Variants in SCN1A observed in about 807,000 individuals in gnomAD.
SCN1A encodes the protein sodium channel protein type 1 subunit alpha.
Under a neutral mutation model 193.7 loss-of-function variants are expected in SCN1A, and 13 were observed. That is an observed-to-expected ratio of 0.07 (90% confidence interval 0.04 to 0.11). The LOEUF is 0.11. Ranked by LOEUF, SCN1A falls within the 10% of genes least tolerant of loss-of-function variation. SCN1A has a pLI of 1.00. For missense variants in SCN1A, 1,432 were observed against 2,451.1 expected, an observed-to-expected ratio of 0.58 and a Z score of 8.78; for synonymous variants, 781 against 843.6, an observed-to-expected ratio of 0.93 and a Z score of 1.29.
upstream of SCN1A, among the ~76,000 whole-genome samples, chr2:166,129,719 T>G (rs367576416): frequency 5.3e-5 from 8 of 152,270 alleles, no homozygotes; most frequent in South Asian, 1.7e-3. Context: ...GAATAGTACT[T>G]AGAGATTAGA....
At chr2:166,087,108 C>T (rs1214891459) in intron 2 of SCN1A, among the ~76,000 whole-genome samples, 1 of 151,192 alleles carries the variant, frequency 6.6e-6, no homozygotes, top group Non-Finnish European at 1.5e-5. Context: ...TGGTTTTTGC[C>T]TCATTCTCAC....
intron 4 of SCN1A, among the ~76,000 whole-genome samples, chr2:166,065,496 T>C (rs1683745300): frequency 6.6e-6 from 1 of 152,200 alleles, no homozygotes; most frequent in Admixed American, 6.5e-5. Context: ...TGTCATAGCC[T>C]GTGAGTTCAA....
At chr2:166,016,756 T>C (rs1049646386) in intron 19 of SCN1A, 3 of 151,928 alleles carry the variant, frequency 2.0e-5, no homozygotes, top group Non-Finnish European at 4.4e-5. Flanking sequence ...ATTGTCCTTA[T>C]TGGAGTATCA....
chr2:166,127,529 C>T lies in SCN1A; in HGVS notation c.-229+242G>A, dbSNP rs369433297. On this transcript the variant is annotated intron_variant, in intron 1 of 28. Coordinates refer to ENST00000674923, the MANE Select transcript of SCN1A (RefSeq NM_001165963.4). ...GCTATTTCAGGCCAAAGAATCCCATCTTCTATCAAAATGCTGAACTGCAAA... is the reference window on the plus strand; with the variant it reads ...GCTATTTCAGGCCAAAGAATCCCATTTTCTATCAAAATGCTGAACTGCAAA... Among the ~76,000 whole-genome samples, 71 of 150,998 alleles carry T rather than the reference C, an allele frequency of 4.7e-4. 2 individuals carry two copies. In the South Asian group the frequency reaches 0.015, roughly 31 times the overall value.
intron 2 of SCN1A, among the ~76,000 whole-genome samples, chr2:166,098,691 T>C (rs1687680045): frequency 6.6e-6 from 1 of 151,902 alleles, no homozygotes; most frequent in Non-Finnish European, 1.5e-5. Flanking sequence ...TGTACAAAAA[T>C]CAGTAGCATT....
upstream of SCN1A, among the ~76,000 whole-genome samples, chr2:166,130,418 T>C (rs520516): frequency 0.86 from 130,450 of 152,198 alleles, 56,064 homozygotes; most frequent in East Asian, 0.98. Context: ...ACGCATTCAG[T>C]GTGCACACTA....
rs1559245947 is a variant in SCN1A at position 166,054,698 on chromosome 2, T to C, written c.542A>G (p.Glu181Gly). Residue 181 changes from glutamate (E) to glycine (G), a missense_variant, in exon 7 of 29, where the codon GAA becomes GGA. Transcript: ENST00000674923. ...TGGATCCCGAAGGAAAGTAAAATCT[T>C]CTAAACAGAATCCCCTTGCAATAAT... is the stretch of plus-strand genomic sequence containing the variant. The part of the protein sequence containing the change: ...IKIIARGFCL[E>G]DFTFLRDPWN... The C allele has an allele frequency of 4.3e-6, 7 of 1,612,196 alleles. No homozygotes were observed. The highest frequency in any genetic ancestry group is 5.9e-6 in the Non-Finnish European group (7 of 1,178,758).
intron 5 of SCN1A, 107 bp from the exon 6 acceptor site, chr2:166,056,607 A>G (rs1020431175): frequency 2.3e-5 from 18 of 775,586 alleles, no homozygotes; most frequent in South Asian, 4.3e-5. Context: ...AAATTCAGGG[A>G]TAAATGCATT....
intron 19 of SCN1A, among the ~76,000 whole-genome samples, chr2:166,019,469 C>G (rs1693727089): frequency 6.6e-6 from 1 of 152,196 alleles, no homozygotes; most frequent in South Asian, 2.1e-4. Context: ...AAACATACTT[C>G]TTTAACCAAA....
chr2:166,012,329 C>T (rs1407805830), intron 21 of SCN1A, 47 bp from the exon 22 acceptor site: 2 of 1,425,412 alleles, frequency 1.4e-6, no homozygotes, highest in Non-Finnish European at 1.9e-6. Context: ...AATAATTATA[C>T]TCCATAAGCT....
At chr2:166,035,908 G>T (rs1016393486) in intron 19 of SCN1A, 140 bp downstream of exon 19, 49 of 813,408 alleles carry the variant, frequency 6.0e-5, no homozygotes, top group Non-Finnish European at 8.4e-5. Flanking sequence ...CTAGTGAATG[G>T]CTATTGCTTT....
intron 22 of SCN1A, among the ~76,000 whole-genome samples, chr2:166,011,384 T>C (rs563116088): frequency 6.6e-6 from 1 of 151,162 alleles, no homozygotes; most frequent in African/African-American, 2.4e-5. Context: ...CTTTAACACA[T>C]CTTGAAGTCA....
At chr2:166,073,901 G>A (rs1324383076) in intron 3 of SCN1A, among the ~76,000 whole-genome samples, 1 of 152,134 alleles carries the variant, frequency 6.6e-6, no homozygotes, top group South Asian at 2.1e-4. Flanking sequence ...TGTGCCATGA[G>A]TTTTAAAAGT....
intron 1 of SCN1A, among the ~76,000 whole-genome samples, chr2:166,141,621 T>G (rs1002051396): frequency 2.0e-5 from 3 of 152,238 alleles, no homozygotes; most frequent in African/African-American, 7.2e-5. Flanking sequence ...ATTAGTTCAC[T>G]TATTATTGCT....
chr2:166,081,100 A>G (rs371689057), intron 2 of SCN1A, among the ~76,000 whole-genome samples: 1 of 151,942 alleles, frequency 6.6e-6, no homozygotes, highest in Non-Finnish European at 1.5e-5. Flanking sequence ...GGCATTTATC[A>G]CAGCCAAAAG....
intron 3 of SCN1A, among the ~76,000 whole-genome samples, chr2:166,074,249 T>C (rs1684774060): frequency 6.6e-6 from 1 of 152,178 alleles, no homozygotes. Flanking sequence ...TCACTAGCCA[T>C]GCATGGTTGG....
intron 4 of SCN1A, 188 bp downstream of exon 4, chr2:166,073,170 T>C: frequency 1.5e-6 from 1 of 673,682 alleles, no homozygotes. Flanking sequence ...TTTGGGACAG[T>C]TGCATATGTT....
chr2:166,073,857 T>C (rs1329597270), intron 3 of SCN1A, among the ~76,000 whole-genome samples, 187 bp from the exon 4 acceptor site: 1 of 152,220 alleles, frequency 6.6e-6, no homozygotes, highest in African/African-American at 2.4e-5. Flanking sequence ...GCATCACTTA[T>C]TTATTAATTC....
chr2:166,044,985 C>G (rs2105849561), intron 13 of SCN1A, 58 bp downstream of exon 13: 187 of 1,465,376 alleles, frequency 1.3e-4, no homozygotes, highest in Middle Eastern at 1.7e-4. Context: ...CTAATTCTCC[C>G]CCTCTCTCCC....
Sources: gnomAD v4.1 joint callset for allele counts (sites outside exome capture counted in the v4.1 genomes callset) on GRCh38, gnomAD v4.1.1 for gene constraint, MANE v1.5 for transcripts, NCBI Gene and HGNC (gene_info 2026-07-23, HGNC 2026-07-21) for gene names.